Variants in ANKS1A observed in about 807,000 individuals in gnomAD.
The protein encoded by ANKS1A is ankyrin repeat and sterile alpha motif domain containing 1A.
ANKS1A carries 55 observed loss-of-function variants against 120.3 expected under a neutral mutation model. That is an observed-to-expected ratio of 0.46 (90% confidence interval 0.37 to 0.57). The LOEUF (loss-of-function observed/expected upper bound fraction) is 0.57. ANKS1A is among the 20% of genes least tolerant of loss of function. The pLI, the probability that ANKS1A is intolerant of heterozygous loss-of-function variation, is 0.00. For missense variants in ANKS1A, 1,123 were observed against 1,480.3 expected, an observed-to-expected ratio of 0.76 and a Z score of 3.96; for synonymous variants, 590 against 604.7, an observed-to-expected ratio of 0.98 and a Z score of 0.36.
rs1468025424 is a variant in ANKS1A at position 35,088,910 on chromosome 6, G to C, written c.*301G>C. The C allele has an allele frequency of 1.5e-6, 2 of 1,376,574 alleles. No homozygotes were observed. Among genetic ancestry groups the C allele is most frequent in the Non-Finnish European group, 1.9e-6 (2 of 1,063,486 alleles). 85.3% of individuals were successfully genotyped at this position (1,376,574 alleles called of 1,614,324 possible). A position where few individuals can be genotyped will look rare whatever the true frequency, so the allele number is the denominator to read the frequency against. On this transcript the variant is annotated 3_prime_UTR_variant, in exon 24 of 24. Coordinates refer to ENST00000360359, the MANE Select transcript of ANKS1A (RefSeq NM_015245.3). ...CAGAAAAAAAATCTTTTTATAAAAT[G>C]AACTTTTAACACTTGGCTCAAACCT...
At position 35,084,001 on chromosome 6, in the gene ANKS1A, G is replaced by A. The variant is rs1777825540; in HGVS notation, c.2995-120G>A. 1 of 1,455,722 alleles carries A rather than the reference G, an allele frequency of 6.9e-7. No individual in the cohort carries two copies. The highest frequency in any genetic ancestry group is 1.3e-5 in the South Asian group (1 of 75,388). The allele number at this position is 1,455,722 out of a possible 1,614,324, so 90.2% of individuals were successfully genotyped here. ...AATAAACAAAATGAGAAGATGAAGG[G>A]GGGTTTGCTTGATGCTCTAGGCTGG... On this transcript the variant is annotated intron_variant, in intron 20 of 23. Transcript: ENST00000360359. This position sits in a 1 kb window ranked among gnomAD's most constrained non-coding sequence, Gnocchi z 4.8.
At chr6:35,069,627 A>AC (rs1395179466) in intron 13 of ANKS1A, among the ~76,000 whole-genome samples, 1 of 151,460 alleles carries the variant, frequency 6.6e-6, no homozygotes, top group African/African-American at 2.4e-5. Flanking sequence ...TGCAGCCCTG[A>AC]CCCCCCAGGC....
chr6:34,985,006 T>C lies in ANKS1A; in HGVS notation c.1013-76T>C. On this transcript the variant is annotated intron_variant, in intron 7 of 23. Transcript: ENST00000360359. ...GTGAGCGCGGGTGACTAAAGAGGCT[T>C]TGGGTTGCTGCAGTGGTTGGAACCT... 3.5e-6 allele frequency: 5 copies of C among 1,417,210 alleles called. 1 individual carries two copies. In the South Asian group the frequency reaches 3.9e-5, roughly 11 times the overall value. 87.8% of individuals were successfully genotyped at this position (1,417,210 alleles called of 1,614,324 possible). A position where few individuals can be genotyped will look rare whatever the true frequency, so the allele number is the denominator to read the frequency against.
intron 1 of ANKS1A, among the ~76,000 whole-genome samples, chr6:34,926,427 CTCT>C (rs1475312417): frequency 6.6e-6 from 1 of 152,158 alleles, no homozygotes; most frequent in Non-Finnish European, 1.5e-5. Context: ...CCTTCAGATT[CTCT>C]TCTTCATAGA....
At chr6:34,911,444 C>G (rs961108804) in intron 1 of ANKS1A, among the ~76,000 whole-genome samples, 3 of 152,116 alleles carry the variant, frequency 2.0e-5, no homozygotes, top group Non-Finnish European at 4.4e-5. Context: ...TCCTTGTGCA[C>G]AGGATAACAG....
intron 11 of ANKS1A, 126 bp from the exon 12 acceptor site, chr6:35,053,973 C>A: frequency 1.3e-6 from 1 of 741,090 alleles, no homozygotes; most frequent in Non-Finnish European, 2.4e-6. Flanking sequence ...ACCTTGCAGG[C>A]TGGTGCTGGT....
intron 10 of ANKS1A, among the ~76,000 whole-genome samples, chr6:34,994,876 G>C (rs1772769166): frequency 6.6e-6 from 1 of 152,212 alleles, no homozygotes; most frequent in African/African-American, 2.4e-5. Flanking sequence ...CTGCCACCCT[G>C]TAACTAGAGT....
chr6:35,044,034 G>C lies in ANKS1A; in HGVS notation c.2011-10065G>C, dbSNP rs1334689497. 6.6e-6 allele frequency among the ~76,000 whole-genome samples: 1 copy of C among 152,142 alleles called. No individual in the cohort carries two copies. Among genetic ancestry groups the C allele is most frequent in the African/African-American group, 2.4e-5 (1 of 41,426 alleles). ...GTCACAGAAAGGTTCTTTTACACTG[G>C]TTCCATAATTTATGTAATGTTTAAT... On this transcript the variant is annotated intron_variant, in intron 11 of 23. Transcript: ENST00000360359. The surrounding 1 kb of genome is among the most constrained non-coding windows in gnomAD (Gnocchi z 4.4).
Position 34,985,322 on chromosome 6 carries a change from G to C in ANKS1A, c.1209+44G>C, listed in dbSNP as rs752007983. 4.4e-6 allele frequency: 7 copies of C among 1,588,812 alleles called. No homozygotes were observed. The African/African-American group carries it at 8.1e-5, about 18-fold the overall frequency. ...ACACCTCCTGGGGGCTGTGTTGGCT[G>C]GCTGGCCCCTGAGGTGATGGGGCAC... On this transcript the variant is annotated intron_variant, in intron 8 of 23. Coordinates refer to ENST00000360359, the MANE Select transcript of ANKS1A (RefSeq NM_015245.3).
intron 1 of ANKS1A, among the ~76,000 whole-genome samples, chr6:34,920,718 A>G (rs1401749504): frequency 3.3e-5 from 5 of 152,174 alleles, no homozygotes; most frequent in African/African-American, 9.7e-5. Flanking sequence ...GAGCCTAGTG[A>G]TATTTTAAAA....
intron 1 of ANKS1A, among the ~76,000 whole-genome samples, chr6:34,934,834 C>A (rs921164342): frequency 2.0e-5 from 3 of 152,220 alleles, no homozygotes; most frequent in Non-Finnish European, 4.4e-5. Context: ...CCCACCCCAC[C>A]CCCAGCCTAT....
intron 1 of ANKS1A, among the ~76,000 whole-genome samples, chr6:34,916,284 C>T (rs1329206921): frequency 1.3e-5 from 2 of 152,116 alleles, no homozygotes; most frequent in African/African-American, 2.4e-5. Context: ...TGAGCCACTG[C>T]GCCCAGCCCA....
intron 7 of ANKS1A, among the ~76,000 whole-genome samples, chr6:34,983,769 T>C (rs1772036438): frequency 6.6e-6 from 1 of 151,916 alleles, no homozygotes. Flanking sequence ...TAGTGCCTTG[T>C]ACACAGTTGA....
At chr6:34,972,891 T>G (rs1771257500) in intron 3 of ANKS1A, among the ~76,000 whole-genome samples, 1 of 152,176 alleles carries the variant, frequency 6.6e-6, no homozygotes, top group Non-Finnish European at 1.5e-5. Context: ...ATATTTGAAA[T>G]GGCAGGAATG....
rs555553134 is a variant in ANKS1A at position 34,892,309 on chromosome 6, G to A, written c.197+2710G>A. Among the ~76,000 whole-genome samples, 5 of 152,352 alleles carry A rather than the reference G, an allele frequency of 3.3e-5. No individual in the cohort carries two copies. The South Asian group carries it at 1.0e-3, about 32-fold the overall frequency. ...AGCAAATGAGACCATGCCTAGGTCA[G>A]TATGTCCTCCCTTTTTAGATGTGGA... is the stretch of plus-strand genomic sequence containing the variant. On this transcript the variant is annotated intron_variant, in intron 1 of 23. Coordinates refer to ENST00000360359, the MANE Select transcript of ANKS1A (RefSeq NM_015245.3).
intron 23 of ANKS1A, 130 bp downstream of exon 23, chr6:35,087,179 A>C (rs898552470): frequency 6.7e-6 from 6 of 895,066 alleles, no homozygotes; most frequent in Non-Finnish European, 1.1e-5. Context: ...CCCCACCTGC[A>C]CTGGGACCTG....
chr6:34,995,852 T>G (rs1364484375), intron 10 of ANKS1A, among the ~76,000 whole-genome samples: 1 of 152,222 alleles, frequency 6.6e-6, no homozygotes, highest in South Asian at 2.1e-4. Context: ...TACAAATAAA[T>G]CACTAAAAAC....
rs1462115841 is a variant in ANKS1A at position 34,985,232 on chromosome 6, A to G, written c.1163A>G (p.Asn388Ser). ...CGATCATCTGACCAAGACTCCACGA[A>G]CAAGGAGGCTGAGGCAGCAGGAGTG... ...SGRSSDQDST[N>S]KEAEAAGVKP... The change falls in exon 8 of 24, where the codon AAC (asparagine) becomes AGC (serine). Residue 388 changes from asparagine (N) to serine (S), a missense_variant. Around this residue, in one of 3 missense-constraint regions of ANKS1A, gnomAD observed 904 missense variants for 1,130.4 expected, o/e 0.80. Transcript: ENST00000360359. 1 of 1,614,042 alleles carries G rather than the reference A, an allele frequency of 6.2e-7. No individual in the cohort carries two copies. The highest frequency in any genetic ancestry group is 8.5e-7 in the Non-Finnish European group (1 of 1,180,032).
intron 11 of ANKS1A, among the ~76,000 whole-genome samples, chr6:35,024,285 G>A (rs571159145): frequency 2.8e-4 from 42 of 152,288 alleles, no homozygotes; most frequent in Non-Finnish European, 5.4e-4. Context: ...TACCTTGTAG[G>A]AATAACAAAA....
Sources: allele counts gnomAD v4.1 joint callset (sites outside exome capture counted in the v4.1 genomes callset), GRCh38; gene constraint gnomAD v4.1.1; regional missense constraint gnomAD v4.1.1; non-coding constraint Gnocchi (gnomAD v3.1); transcripts MANE v1.5; gene names NCBI Gene and HGNC (gene_info 2026-07-23, HGNC 2026-07-21).